BBS9: variants seen among roughly 807,000 people sequenced by gnomAD.
BBS9 encodes protein PTHB1.
In BBS9, 89 loss-of-function variants were observed where a neutral mutation model predicts 117.7. The observed-to-expected ratio is 0.76, with a 90% CI of 0.64 to 0.90. BBS9 has a LOEUF of 0.90. Ranked by LOEUF, BBS9 falls within the 40% of genes least tolerant of loss-of-function variation. BBS9 has a pLI of 0.00. For synonymous variants in BBS9, 379 were observed against 370.9 expected, an observed-to-expected ratio of 1.02 and a Z score of -0.25; for missense variants, 982 against 1,042.2, an observed-to-expected ratio of 0.94 and a Z score of 0.80.
At chr7:33,376,202 G>A (rs1187542847) in intron 17 of BBS9, among the ~76,000 whole-genome samples, 1 of 151,926 alleles carries the variant, frequency 6.6e-6, no homozygotes, top group East Asian at 1.9e-4. Flanking sequence ...CTCTGAGGTA[G>A]GCCCCAGTGT....
At chr7:33,505,763 A>G in intron 20 of BBS9, 118 bp downstream of exon 20, 2 of 1,076,592 alleles carry the variant, frequency 1.9e-6, no homozygotes, top group Non-Finnish European at 2.7e-6. Flanking sequence ...GATTTTTTAC[A>G]AAAATGCTGC....
intron 15 of BBS9, among the ~76,000 whole-genome samples, chr7:33,353,897 A>C (rs1819151387): frequency 6.6e-6 from 1 of 152,062 alleles, no homozygotes; most frequent in African/African-American, 2.4e-5. Flanking sequence ...GTCATTAAAA[A>C]ATAACCTGAT....
chr7:33,499,727 T>A (rs1845189899), intron 19 of BBS9, among the ~76,000 whole-genome samples: 1 of 152,230 alleles, frequency 6.6e-6, no homozygotes, highest in Non-Finnish European at 1.5e-5. Flanking sequence ...ACACTTTCTG[T>A]ACTCTGGTCT....
rs182344750 is a variant in BBS9, at chr7:33,459,303, C to T, written c.2116-46160C>T. ...GGTTCTCAATTGGGAGTGGGATGAT[C>T]GAGACTCCGGGACATTTGGCAAAGT... On this transcript the variant is annotated intron_variant, in intron 19 of 22. Transcript: ENST00000242067. 2.0e-3 allele frequency among the ~76,000 whole-genome samples: 307 copies of T among 151,880 alleles called. 1 individual carries two copies. Among genetic ancestry groups the T allele is most frequent in the Non-Finnish European group, 3.4e-3 (234 of 67,934 alleles).
At chr7:33,371,186 T>C (rs926407391) in intron 17 of BBS9, among the ~76,000 whole-genome samples, 4 of 152,214 alleles carry the variant, frequency 2.6e-5, no homozygotes, top group African/African-American at 9.6e-5. Flanking sequence ...ACAGTTCCTT[T>C]AATAATATCT....
At chr7:33,610,783 G>A (rs1864816727), downstream of BBS9, among the ~76,000 whole-genome samples, 1 of 152,074 alleles carries the variant, frequency 6.6e-6, no homozygotes, top group East Asian at 1.9e-4. Flanking sequence ...GGGCTCAAAT[G>A]TAAGTACACT....
intron 21 of BBS9, among the ~76,000 whole-genome samples, chr7:33,579,884 T>G (rs1265975852): frequency 6.6e-6 from 1 of 152,222 alleles, no homozygotes; most frequent in African/African-American, 2.4e-5. Context: ...TAATCTATAA[T>G]GTTTGCTTCA....
chr7:33,178,424 C>T (rs1384062718), intron 5 of BBS9, among the ~76,000 whole-genome samples: 1 of 152,166 alleles, frequency 6.6e-6, no homozygotes, highest in Non-Finnish European at 1.5e-5. Context: ...TCCAGATTCA[C>T]CAAGGCTTGG....
At chr7:33,581,439 A>G (rs1314362257) in intron 21 of BBS9, among the ~76,000 whole-genome samples, 7 of 152,146 alleles carry the variant, frequency 4.6e-5, no homozygotes, top group Admixed American at 2.0e-4. Flanking sequence ...GCTTTGTTTT[A>G]TAGCCTGTCT....
At chr7:33,434,593 C>A (rs1835025437) in intron 19 of BBS9, among the ~76,000 whole-genome samples, 2 of 152,226 alleles carry the variant, frequency 1.3e-5, no homozygotes, top group South Asian at 4.2e-4. Flanking sequence ...TGTAAGTCTG[C>A]TGTGGAAAAA....
chr7:33,483,470 T>C (rs1013540645), intron 19 of BBS9, among the ~76,000 whole-genome samples: 1 of 152,212 alleles, frequency 6.6e-6, no homozygotes, highest in African/African-American at 2.4e-5. Flanking sequence ...ACAGATCTAA[T>C]TTAGGTTCTT....
At chr7:33,565,781 G>GTATATATAGATA (rs1856749616) in intron 21 of BBS9, among the ~76,000 whole-genome samples, 1 of 65,690 alleles carries the variant, frequency 1.5e-5, no homozygotes. Flanking sequence ...GCTATCAGTA[G>GTATATATAGATA]TATATATATA....
At chr7:33,551,795 T>C (rs1187003279) in intron 21 of BBS9, among the ~76,000 whole-genome samples, 1 of 152,186 alleles carries the variant, frequency 6.6e-6, no homozygotes, top group Admixed American at 6.5e-5. Flanking sequence ...TGTTGACCAT[T>C]TGTGCCACAT....
chr7:33,303,783 G>A (rs899203544), intron 9 of BBS9, among the ~76,000 whole-genome samples: 1 of 152,032 alleles, frequency 6.6e-6, no homozygotes, highest in Non-Finnish European at 1.5e-5. Flanking sequence ...TGCTGGGATT[G>A]CAGATGGAGT....
chr7:33,276,560 G>C (rs879429943), intron 9 of BBS9, among the ~76,000 whole-genome samples: 1 of 152,180 alleles, frequency 6.6e-6, no homozygotes, highest in African/African-American at 2.4e-5. Context: ...TCATTTACAG[G>C]GGGGAAGTTG....
intron 21 of BBS9, among the ~76,000 whole-genome samples, chr7:33,559,169 A>G (rs1030600157): frequency 6.6e-6 from 1 of 152,230 alleles, no homozygotes; most frequent in Non-Finnish European, 1.5e-5. Flanking sequence ...GGCCACACTT[A>G]TCTTCGTAGA....
chr7:33,314,223 A>G (rs967166209), intron 9 of BBS9: 1 of 417,436 alleles, frequency 2.4e-6, no homozygotes, highest in Non-Finnish European at 4.6e-6. Context: ...TTCAATATCT[A>G]ATTTTAATTT....
rs570474652 is a variant in BBS9, at chr7:33,431,964, A to T, written c.2115+43820A>T. Among the ~76,000 whole-genome samples the T allele has an allele frequency of 3.3e-3, 499 of 152,308 alleles. 2 individuals are homozygous for T. Among genetic ancestry groups the T allele is most frequent in the African/African-American group, 0.012 (480 of 41,572 alleles). The stretch of plus-strand genomic sequence containing the variant: ...GCACCACTTGATAGTTACCATGTCA[A>T]TTGAAAAGTCCCTTATATTTGTCCT... On this transcript the variant is annotated intron_variant, in intron 19 of 22. Coordinates refer to ENST00000242067, the MANE Select transcript of BBS9 (RefSeq NM_198428.3).
chr7:33,168,877 G>T (rs541934849), intron 4 of BBS9, among the ~76,000 whole-genome samples: 6 of 151,952 alleles, frequency 3.9e-5, no homozygotes, highest in Admixed American at 6.6e-5. Flanking sequence ...AGTTACATAT[G>T]TATACATGTG....
Sources: gnomAD v4.1 joint callset for allele counts (sites outside exome capture counted in the v4.1 genomes callset) on GRCh38, gnomAD v4.1.1 for gene constraint, MANE v1.5 for transcripts, NCBI Gene and HGNC (gene_info 2026-07-23, HGNC 2026-07-21) for gene names.